The following ZNRF1 variants were observed in gnomAD, a reference collection of about 807,000 sequenced individuals.
ZNRF1 encodes the protein zinc and ring finger 1, also known as E3 ubiquitin-protein ligase ZNRF1.
ZNRF1 carries 3 observed loss-of-function variants against 18.4 expected under a neutral mutation model. The ratio of observed to expected loss-of-function variants is 0.16; its 90% CI spans 0.07 to 0.42. The LOEUF (loss-of-function observed/expected upper bound fraction) is 0.42. Among genes scored for constraint, ZNRF1 ranks in the 10% least tolerant of loss-of-function variants. The pLI, the probability that ZNRF1 is intolerant of heterozygous loss-of-function variation, is 0.99. For synonymous variants in ZNRF1, 157 were observed against 144.2 expected (o/e 1.09, Z -0.64); for missense variants, 310 against 329.8 (o/e 0.94, Z 0.47).
chr16:75,019,982 A>G (rs923520630), intron 1 of ZNRF1, among the ~76,000 whole-genome samples: 1 of 152,194 alleles, frequency 6.6e-6, no homozygotes, highest in East Asian at 1.9e-4. Flanking sequence ...AAGTGCTGGG[A>G]TTACAGGTGT....
Position 75,066,565 on chromosome 16 carries a change from C to T in ZNRF1, c.425-27007C>T, listed in dbSNP as rs541482044. On this transcript the variant is annotated intron_variant, in intron 1 of 4. Coordinates refer to ENST00000335325, the MANE Select transcript of ZNRF1 (RefSeq NM_032268.5). ...TCACCTAGGCTGCAGTGCAGTGGCG[C>T]GATGTCAGGTTACCGCAACCTCCAC... 1.1e-4 allele frequency among the ~76,000 whole-genome samples: 16 copies of T among 152,268 alleles called. No homozygotes were observed. The East Asian group carries it at 1.5e-3, about 15-fold the overall frequency.
At chr16:75,021,243 T>C (rs1597862306) in intron 1 of ZNRF1, among the ~76,000 whole-genome samples, 1 of 151,982 alleles carries the variant, frequency 6.6e-6, no homozygotes, top group East Asian at 1.9e-4. Flanking sequence ...TTCACCACGT[T>C]GGCCAGGCTG....
At chr16:75,091,496 A>G (rs1167144395) in intron 1 of ZNRF1, among the ~76,000 whole-genome samples, 1 of 150,720 alleles carries the variant, frequency 6.6e-6, no homozygotes, top group African/African-American at 2.4e-5. Flanking sequence ...TACGTGGGAG[A>G]CTCTGACCCC....
At chr16:75,036,583 T>TTC (rs2035378904) in intron 1 of ZNRF1, among the ~76,000 whole-genome samples, 4 of 151,624 alleles carry the variant, frequency 2.6e-5, no homozygotes, top group Admixed American at 2.6e-4. Flanking sequence ...TTTTTTTTTT[T>TTC]CCCTCTCCTT....
At chr16:75,016,121 C>T (rs1045263500) in intron 1 of ZNRF1, among the ~76,000 whole-genome samples, 8 of 151,330 alleles carry the variant, frequency 5.3e-5, no homozygotes, top group African/African-American at 1.2e-4. Flanking sequence ...GGGGTTTCAC[C>T]GTGTTAGCCA....
At chr16:75,050,587 C>T (rs1046800208) in intron 1 of ZNRF1, among the ~76,000 whole-genome samples, 101 of 150,998 alleles carry the variant, frequency 6.7e-4, no homozygotes, top group African/African-American at 2.1e-3. Context: ...TACTTGTAGC[C>T]GCCGGGCACG....
chr16:75,054,236 A>G (rs2035642370), intron 1 of ZNRF1, among the ~76,000 whole-genome samples: 1 of 152,262 alleles, frequency 6.6e-6, no homozygotes, highest in Non-Finnish European at 1.5e-5. Flanking sequence ...TGTGTTGACC[A>G]GAAGTGCAGT....
At chr16:75,065,340 T>A (rs1400513080) in intron 1 of ZNRF1, among the ~76,000 whole-genome samples, 1 of 152,166 alleles carries the variant, frequency 6.6e-6, no homozygotes, top group African/African-American at 2.4e-5. Flanking sequence ...CTTAGACTAC[T>A]GCCGCACGGC....
At chr16:75,058,097 T>C (rs1038799678) in intron 1 of ZNRF1, among the ~76,000 whole-genome samples, 2 of 98,490 alleles carry the variant, frequency 2.0e-5, no homozygotes, top group African/African-American at 7.5e-5. Flanking sequence ...CCCTTTTTCC[T>C]TTCCTTTTCT....
intron 1 of ZNRF1, among the ~76,000 whole-genome samples, chr16:75,064,977 C>G (rs1201339233): frequency 6.6e-6 from 1 of 152,214 alleles, no homozygotes; most frequent in Non-Finnish European, 1.5e-5. Context: ...AAACCTGGTC[C>G]TGCAGGAATG....
intron 1 of ZNRF1, among the ~76,000 whole-genome samples, chr16:75,016,351 ACC>A (rs1275191878): frequency 8.2e-6 from 1 of 121,336 alleles, no homozygotes; most frequent in Non-Finnish European, 1.8e-5. Context: ...CAATTCTCCC[ACC>A]TCAGCCTCCC....
intron 1 of ZNRF1, among the ~76,000 whole-genome samples, chr16:75,051,920 C>T (rs780090866): frequency 2.6e-5 from 4 of 152,284 alleles, no homozygotes; most frequent in Admixed American, 6.5e-5. Flanking sequence ...TCAAAGTAAA[C>T]TATAGACATC....
rs376542267 is a variant in ZNRF1 at position 75,001,493 on chromosome 16, G to T, written c.424+1398G>T. ...TTCTGACCTCATGGAACTCTGCCCT[G>T]AGTGAGAAGCAGGACATGATTGCCT... On this transcript the variant is annotated intron_variant, in intron 1 of 4. Transcript: ENST00000335325. Among the ~76,000 whole-genome samples the T allele has an allele frequency of 1.2e-4, 19 of 152,300 alleles. 2 individuals are homozygous for T. Among genetic ancestry groups the T allele is most frequent in the South Asian group, 1.0e-3 (5 of 4,826 alleles).
chr16:75,027,950 C>T (rs972596594), intron 1 of ZNRF1, among the ~76,000 whole-genome samples: 10 of 152,166 alleles, frequency 6.6e-5, no homozygotes, highest in African/African-American at 1.9e-4. Context: ...TGTTGATGAC[C>T]TTCCTATTTC....
chr16:75,001,478 A>G (rs192773496), intron 1 of ZNRF1, among the ~76,000 whole-genome samples: 1 of 152,318 alleles, frequency 6.6e-6, no homozygotes, highest in Admixed American at 6.5e-5. Flanking sequence ...TTCTGACCTC[A>G]TGGAACTCTG....
intron 1 of ZNRF1, among the ~76,000 whole-genome samples, chr16:75,049,498 T>A (rs1344462974): frequency 6.6e-6 from 1 of 152,054 alleles, no homozygotes; most frequent in East Asian, 1.9e-4. Flanking sequence ...GGATAGTTTT[T>A]AAAAATTGCT....
chr16:75,017,336 T>C (rs1408540989), intron 1 of ZNRF1, among the ~76,000 whole-genome samples: 1 of 152,224 alleles, frequency 6.6e-6, no homozygotes, highest in Non-Finnish European at 1.5e-5. Context: ...CTGATAGAAT[T>C]GATTTACAGA....
intron 1 of ZNRF1, among the ~76,000 whole-genome samples, chr16:75,012,575 A>G (rs777845491): frequency 6.6e-6 from 1 of 152,252 alleles, no homozygotes; most frequent in Non-Finnish European, 1.5e-5. Context: ...GACGCCACCC[A>G]GTCAGCCTCC....
intron 1 of ZNRF1, among the ~76,000 whole-genome samples, chr16:75,058,846 C>G (rs780175369): frequency 1.3e-5 from 2 of 152,172 alleles, no homozygotes; most frequent in African/African-American, 2.4e-5. Flanking sequence ...CCAGGAGATG[C>G]GCTGGGCTTT....
Sources: gnomAD v4.1 joint callset for allele counts (sites outside exome capture counted in the v4.1 genomes callset) on GRCh38, gnomAD v4.1.1 for gene constraint, MANE v1.5 for transcripts, NCBI Gene and HGNC (gene_info 2026-07-23, HGNC 2026-07-21) for gene names.